GTSF1: variants seen among roughly 807,000 people sequenced by gnomAD.
The protein encoded by GTSF1 is gametocyte specific factor 1.
In GTSF1, 11 loss-of-function variants were observed where a neutral mutation model predicts 28.9. That is an observed-to-expected ratio of 0.38 (90% CI 0.24 to 0.63). The LOEUF (loss-of-function observed/expected upper bound fraction) is 0.63, where lower values mean the gene tolerates loss of function less well. Among genes scored for constraint, GTSF1 ranks in the 30% least tolerant of loss-of-function variants. GTSF1 has a pLI of 0.56. For missense variants in GTSF1, 146 were observed against 201.0 expected (o/e 0.73, Z 1.66); for synonymous variants, 69 against 65.6 (o/e 1.05, Z -0.25).
chr12:54,470,740 G>A (rs545514244), intron 2 of GTSF1, among the ~76,000 whole-genome samples: 3 of 152,208 alleles, frequency 2.0e-5, no homozygotes, highest in Admixed American at 6.5e-5. Context: ...ATTAATCTAG[G>A]TTCTGTTGTC....
intron 5 of GTSF1, 64 bp from the exon 6 acceptor site, chr12:54,462,236 G>T (rs1158538515): frequency 1.0e-5 from 12 of 1,181,618 alleles, no homozygotes; most frequent in Non-Finnish European, 1.5e-5. Context: ...GTTCATGTTG[G>T]TTGAATTTAT....
chr12:54,458,832 T>TA (rs4016626), intron 8 of GTSF1, among the ~76,000 whole-genome samples: 6,311 of 131,854 alleles, frequency 0.048, 223 homozygotes, highest in African/African-American at 0.11. Flanking sequence ...GCAACTTTGA[T>TA]AAAAAAAAAA....
At chr12:54,469,799 C>T (rs1186980297) in intron 2 of GTSF1, among the ~76,000 whole-genome samples, 1 of 151,862 alleles carries the variant, frequency 6.6e-6, no homozygotes, top group Non-Finnish European at 1.5e-5. Context: ...AGTGATCCTC[C>T]TGCCTCAGCT....
At chr12:54,470,120 G>A (rs1048661170) in intron 2 of GTSF1, among the ~76,000 whole-genome samples, 1 of 152,140 alleles carries the variant, frequency 6.6e-6, no homozygotes, top group Non-Finnish European at 1.5e-5. Flanking sequence ...AAGTTGCAAT[G>A]AGCCGAGATT....
chr12:54,470,459 C>A (rs1439564078), intron 2 of GTSF1, among the ~76,000 whole-genome samples: 2 of 152,192 alleles, frequency 1.3e-5, no homozygotes, highest in Non-Finnish European at 2.9e-5. Flanking sequence ...ATATAGCTCT[C>A]CACTGGACTC....
intron 3 of GTSF1, 154 bp downstream of exon 3, chr12:54,464,913 A>T: frequency 2.0e-6 from 1 of 504,788 alleles, no homozygotes; most frequent in African/African-American, 1.9e-5. Flanking sequence ...AGGAATGAAC[A>T]AATGCCTTTC....
At position 54,462,181 on chromosome 12, in the gene GTSF1, G is replaced by C; in HGVS notation, c.329-9C>G. ...GGTCTGCTCCCACAAATCTGTTAAA[G>C]GAAGCAAAACATAGTTTGTGGTACT... is the stretch of plus-strand genomic sequence containing the variant. On this transcript the variant is annotated splice_polypyrimidine_tract_variant and intron_variant, in intron 5 of 8. Transcript: ENST00000305879. 2 of 1,609,922 alleles carry C rather than the reference G, an allele frequency of 1.2e-6. No individual in the cohort carries two copies. The highest frequency in any genetic ancestry group is 1.7e-6 in the Non-Finnish European group (2 of 1,176,424).
chr12:54,462,941 A>T (rs1402652698), intron 4 of GTSF1, among the ~76,000 whole-genome samples: 1 of 152,222 alleles, frequency 6.6e-6, no homozygotes, highest in Non-Finnish European at 1.5e-5. Context: ...GCAATAAAAG[A>T]TTTATTTTTA....
intron 2 of GTSF1, chr12:54,466,885 G>A (rs950410134): frequency 1.4e-5 from 2 of 140,502 alleles, no homozygotes; most frequent in South Asian, 2.2e-4. Context: ...GCGCGATCTC[G>A]GCCCACTGCA....
intron 2 of GTSF1, among the ~76,000 whole-genome samples, chr12:54,467,164 T>C (rs1246291887): frequency 6.6e-6 from 1 of 152,160 alleles, no homozygotes; most frequent in Non-Finnish European, 1.5e-5. Flanking sequence ...CAACCACCAT[T>C]ACTTTTTGTT....
At chr12:54,459,275 T>G in intron 7 of GTSF1, 150 bp from the exon 8 acceptor site, 1 of 1,433,240 alleles carries the variant, frequency 7.0e-7, no homozygotes, top group Admixed American at 3.0e-5. Context: ...TCAGATTTCA[T>G]TCAAGAGCAT....
intron 1 of GTSF1, chr12:54,472,636 C>G (rs1383345173): frequency 6.6e-6 from 1 of 152,170 alleles, no homozygotes; most frequent in Non-Finnish European, 1.5e-5. Context: ...TTGTCTGTCT[C>G]TAGAGCATGC....
intron 3 of GTSF1, among the ~76,000 whole-genome samples, chr12:54,463,507 CTTT>C (rs1195128244): frequency 3.3e-5 from 5 of 152,030 alleles, no homozygotes; most frequent in African/African-American, 1.2e-4. Context: ...AAACATAAGT[CTTT>C]TTGTTATGAT....
At chr12:54,462,549 G>T (rs758596282) in intron 5 of GTSF1, 93 bp downstream of exon 5, 3 of 985,380 alleles carry the variant, frequency 3.0e-6, no homozygotes, top group African/African-American at 1.6e-5. Context: ...GAACAACATG[G>T]TATGTTCATA....
chr12:54,466,879 G>A (rs1030254228), intron 2 of GTSF1: 2 of 144,342 alleles, frequency 1.4e-5, no homozygotes, highest in African/African-American at 2.6e-5. Flanking sequence ...GAAGTGGCGC[G>A]ATCTCGGCCC....
chr12:54,463,254 T>C lies in GTSF1; in HGVS notation c.161A>G (p.Asn54Ser), dbSNP rs370104101. The C allele has an allele frequency of 6.2e-7, 1 of 1,613,830 alleles. No homozygotes were observed. The highest frequency in any genetic ancestry group is 8.5e-7 in the Non-Finnish European group (1 of 1,179,868). The change falls in exon 4 of 9, where the codon AAT (asparagine) becomes AGT (serine). Residue 54 changes from asparagine to serine, a missense_variant. Transcript: ENST00000305879. ...VASKLATCPF[N>S]ARHQVPRAEI... ...AGCTCGAGGAACCTGGTGGCGAGCA[T>C]TGAAGGGACAAGTAGCCAATTTGCT...
At chr12:54,468,590 T>G (rs1956552909) in intron 2 of GTSF1, among the ~76,000 whole-genome samples, 1 of 152,220 alleles carries the variant, frequency 6.6e-6, no homozygotes, top group African/African-American at 2.4e-5. Flanking sequence ...AAGCTTCCTC[T>G]AAAAGCACAG....
At chr12:54,459,276 T>G in intron 7 of GTSF1, 151 bp from the exon 8 acceptor site, 1 of 1,434,532 alleles carries the variant, frequency 7.0e-7, no homozygotes, top group South Asian at 1.6e-5. Context: ...CAGATTTCAT[T>G]CAAGAGCATG....
At position 54,467,821 on chromosome 12, in the gene GTSF1, C is replaced by G. The variant is rs547393864; in HGVS notation, c.17-2654G>C. On this transcript the variant is annotated intron_variant, in intron 2 of 8. Transcript: ENST00000305879. ...TGGAGTTTCGTTCTTGTTGCTCAGGCTGGAGTGCAATGGCGAATCTCGGCT... is the reference window on the plus strand; with the variant it reads ...TGGAGTTTCGTTCTTGTTGCTCAGGGTGGAGTGCAATGGCGAATCTCGGCT... Among the ~76,000 whole-genome samples, 12 of 151,474 alleles carry G rather than the reference C, an allele frequency of 7.9e-5. No individual in the cohort carries two copies. The South Asian group carries it at 2.5e-3, about 32-fold the overall frequency.
Sources: gnomAD v4.1 joint callset for allele counts (sites outside exome capture counted in the v4.1 genomes callset) on GRCh38, gnomAD v4.1.1 for gene constraint, MANE v1.5 for transcripts, NCBI Gene and HGNC (gene_info 2026-07-23, HGNC 2026-07-21) for gene names.